The following AFF1 variants were observed in gnomAD, a reference collection of about 807,000 sequenced individuals.
AFF1 encodes ALF transcription elongation factor 1.
AFF1 carries 48 observed loss-of-function variants against 121.7 expected under a neutral mutation model. That is an observed-to-expected ratio of 0.39 (90% CI 0.31 to 0.50). The LOEUF is 0.50. Ranked by LOEUF, AFF1 falls within the 20% of genes least tolerant of loss-of-function variation. The pLI, the probability that AFF1 is intolerant of heterozygous loss-of-function variation, is 0.76. For synonymous variants in AFF1, 613 were observed against 563.0 expected (o/e 1.09, Z -1.26); for missense variants, 1,523 against 1,511.7 (o/e 1.01, Z -0.12).
At chr4:87,013,751 A>AT (rs1307381178) in intron 2 of AFF1, among the ~76,000 whole-genome samples, 3 of 150,366 alleles carry the variant, frequency 2.0e-5, no homozygotes, top group Non-Finnish European at 4.4e-5. Flanking sequence ...TAGGGGCAAT[A>AT]TGGTCATATG....
At position 87,132,342 on chromosome 4, in the gene AFF1, G is replaced by A. The variant is rs140979415; in HGVS notation, c.3245G>A (p.Arg1082His). ...CKKDIAIKYS[R>H]TLNKHFESSS... ...AAAGACATAGCAATAAAGTATTCTCGTACTCTTAATAAACACTTCGAGAGT... is the reference window on the plus strand; with the variant it reads ...AAAGACATAGCAATAAAGTATTCTCATACTCTTAATAAACACTTCGAGAGT... The change falls in exon 19 of 21, where the codon CGT becomes CAT. Residue 1082 changes from arginine to histidine, a missense_variant. This residue lies in a region of AFF1 where 241 missense variants were observed against 265.2 expected (regional missense o/e 0.91). Coordinates refer to ENST00000395146, the MANE Select transcript of AFF1 (RefSeq NM_001166693.3). 63 of 1,613,180 alleles carry A rather than the reference G, an allele frequency of 3.9e-5. No individual in the cohort carries two copies. Among genetic ancestry groups the A allele is most frequent in the Non-Finnish European group, 3.8e-5 (45 of 1,179,716 alleles).
At chr4:87,020,987 C>T (rs1433818514) in intron 2 of AFF1, among the ~76,000 whole-genome samples, 2 of 152,056 alleles carry the variant, frequency 1.3e-5, no homozygotes, top group African/African-American at 4.8e-5. Context: ...ATTTCTGAAC[C>T]CTTCCTCTCT....
At chr4:87,009,883 C>T (rs2090940425) in intron 2 of AFF1, among the ~76,000 whole-genome samples, 1 of 152,178 alleles carries the variant, frequency 6.6e-6, no homozygotes, top group Admixed American at 6.5e-5. Context: ...GCTCTTGAGA[C>T]AATTAATTTA....
chr4:87,139,864 C>A lies in AFF1; in HGVS notation c.*4163C>A, dbSNP rs1183498506. On this transcript the variant is annotated 3_prime_UTR_variant, in exon 21 of 21. Coordinates refer to ENST00000395146, the MANE Select transcript of AFF1 (RefSeq NM_001166693.3). ...CGGTGACTTGGAGTGTTCATCTCTT[C>A]ATGAATTGTGAGCACTGACCATGTT... 4 of 223,868 alleles carry A rather than the reference C, an allele frequency of 1.8e-5. No individual in the cohort carries two copies. The highest frequency in any genetic ancestry group is 2.7e-5 in the Non-Finnish European group (3 of 112,312). 13.9% of individuals were successfully genotyped at this position (223,868 alleles called of 1,614,324 possible).
At chr4:87,089,925 T>C in intron 5 of AFF1, 59 bp from the exon 6 acceptor site, 1 of 1,256,274 alleles carries the variant, frequency 8.0e-7, no homozygotes. Flanking sequence ...AAATGTTAAG[T>C]AGCAATGAAT....
intron 1 of AFF1, among the ~76,000 whole-genome samples, chr4:86,940,749 G>A (rs1394380425): frequency 1.3e-5 from 2 of 152,050 alleles, no homozygotes; most frequent in Admixed American, 6.5e-5. Flanking sequence ...TTCACAGGGA[G>A]ATTTTATCTT....
intron 16 of AFF1, among the ~76,000 whole-genome samples, chr4:87,129,460 A>G (rs1027599383): frequency 2.0e-5 from 3 of 152,222 alleles, no homozygotes; most frequent in African/African-American, 7.2e-5. Flanking sequence ...ATTGCTACAC[A>G]GTATTGTAGT....
At position 86,935,224 on chromosome 4, in the gene AFF1, A is replaced by T. The variant is rs1297548925; in HGVS notation, c.-53A>T. ...AGGGCGCCCGACCCGGGACTAGAGG[A>T]CGGAAGGGTCTGGAAGGTGAGCGCA... On this transcript the variant is annotated 5_prime_UTR_variant, in exon 1 of 21. Coordinates refer to ENST00000395146, the MANE Select transcript of AFF1 (RefSeq NM_001166693.3). 6.6e-6 allele frequency: 1 copy of T among 152,322 alleles called. No homozygotes were observed. Among genetic ancestry groups the T allele is most frequent in the Non-Finnish European group, 1.5e-5 (1 of 68,174 alleles). The allele number at this position is 152,322 out of a possible 1,614,324, so 9.4% of individuals were successfully genotyped here. A position where few individuals can be genotyped will look rare whatever the true frequency, so the allele number is the denominator to read the frequency against.
rs1721623708 is a variant in AFF1 at position 87,068,545 on chromosome 4, G to A, written c.1060-15575G>A. 3.9e-5 allele frequency among the ~76,000 whole-genome samples: 6 copies of A among 152,164 alleles called. No homozygotes were observed. In the South Asian group the frequency reaches 6.2e-4, roughly 16 times the overall value. The stretch of plus-strand genomic sequence containing the variant: ...TCACATCCTGGTTTTGCAGGGAGAC[G>A]GGAGGTATGGAGGCATTGCCCATTT... On this transcript the variant is annotated intron_variant, in intron 4 of 20. Coordinates refer to ENST00000395146, the MANE Select transcript of AFF1 (RefSeq NM_001166693.3).
At chr4:87,125,592 G>T (rs574307747) in intron 13 of AFF1, among the ~76,000 whole-genome samples, 4 of 152,224 alleles carry the variant, frequency 2.6e-5, no homozygotes, top group Non-Finnish European at 4.4e-5. Context: ...AGACCACTCA[G>T]TGTCTGTTGT....
At chr4:86,984,539 G>A (rs1724055334) in intron 2 of AFF1, among the ~76,000 whole-genome samples, 2 of 152,056 alleles carry the variant, frequency 1.3e-5, no homozygotes, top group South Asian at 4.1e-4. Context: ...GCCCAGGCTA[G>A]TCTCGAACTC....
chr4:87,023,042 ACAGG>A (rs113664100), intron 2 of AFF1, among the ~76,000 whole-genome samples: 6,728 of 151,948 alleles, frequency 0.044, 486 homozygotes, highest in African/African-American at 0.15. Flanking sequence ...AGCTGGGACT[ACAGG>A]CAGGCACACA....
chr4:86,955,236 C>A (rs67773101), intron 2 of AFF1, among the ~76,000 whole-genome samples: 31,835 of 152,090 alleles, frequency 0.21, 3,388 homozygotes, highest in Middle Eastern at 0.24. Flanking sequence ...GAAGGAAAAT[C>A]GTGTCTAGGA....
chr4:87,115,625 T>TTC lies in AFF1; in HGVS notation c.2466+326_2466+327insTC, dbSNP rs397994396. 3.9e-3 allele frequency among the ~76,000 whole-genome samples: 401 copies of TTC among 103,040 alleles called. 28 individuals are homozygous for TTC. In the South Asian group the frequency reaches 0.039, roughly 10 times the overall value. 67.6% of individuals were successfully genotyped at this position (103,040 alleles called of 152,430 possible). ...AACCCACCTCTTTTTTTTTTTTTTT[T>TTC]CCAAAGACAGGCCCTTGCTCTGTTG... On this transcript the variant is annotated intron_variant, in intron 12 of 20. Coordinates refer to ENST00000395146, the MANE Select transcript of AFF1 (RefSeq NM_001166693.3).
intron 2 of AFF1, chr4:87,007,340 G>A: frequency 6.2e-7 from 1 of 1,609,502 alleles, no homozygotes; most frequent in Non-Finnish European, 8.5e-7. Flanking sequence ...TGAGCGCGGC[G>A]CTGGCAGCAG....
At chr4:87,014,620 C>T (rs1727125250) in intron 2 of AFF1, among the ~76,000 whole-genome samples, 1 of 152,132 alleles carries the variant, frequency 6.6e-6, no homozygotes, top group Non-Finnish European at 1.5e-5. Flanking sequence ...AGAAGCAAAG[C>T]AGTCAATAAA....
chr4:87,016,073 C>T (rs954747448), intron 2 of AFF1, among the ~76,000 whole-genome samples: 32 of 152,124 alleles, frequency 2.1e-4, no homozygotes, highest in Non-Finnish European at 3.5e-4. Flanking sequence ...CCCAGCTACT[C>T]GGGAGGCTGA....
At chr4:86,988,597 G>A (rs937679284) in intron 2 of AFF1, among the ~76,000 whole-genome samples, 8 of 152,250 alleles carry the variant, frequency 5.3e-5, no homozygotes, top group Middle Eastern at 3.4e-3. Context: ...AATCAGTATC[G>A]TGAAAATGGC....
rs1389282853 is a variant in AFF1 at position 87,138,798 on chromosome 4, G to C, written c.*3097G>C. 4.4e-6 allele frequency: 1 copy of C among 229,352 alleles called. No homozygotes were observed. Among genetic ancestry groups the C allele is most frequent in the African/African-American group, 2.2e-5 (1 of 45,110 alleles). The allele number at this position is 229,352 out of a possible 1,614,324, so 14.2% of individuals were successfully genotyped here. ...TTATGATTTGATTACAATACTGAATGGGAAAAGTATCTAATATTTTGTAAC... is the reference window on the plus strand; with the variant it reads ...TTATGATTTGATTACAATACTGAATCGGAAAAGTATCTAATATTTTGTAAC... On this transcript the variant is annotated 3_prime_UTR_variant, in exon 21 of 21. Transcript: ENST00000395146.
Sources: gnomAD v4.1 joint callset for allele counts (sites outside exome capture counted in the v4.1 genomes callset) on GRCh38, gnomAD v4.1.1 for gene constraint, gnomAD v4.1.1 regional missense constraint, MANE v1.5 for transcripts, NCBI Gene and HGNC (gene_info 2026-07-23, HGNC 2026-07-21) for gene names.